Variants in PEA15 observed in about 807,000 individuals in gnomAD.
PEA15 encodes the protein proliferation and apoptosis adaptor protein 15.
For missense variants in PEA15, 77 were observed against 161.3 expected (o/e 0.48, Z 2.83); for synonymous variants, 60 against 61.8 (o/e 0.97, Z 0.13).
At position 160,213,393 on chromosome 1, in the gene PEA15, T is replaced by A. The variant is rs751216207; in HGVS notation, c.329-29T>A. ...CTGCCTGGCATCTCCCACACTGCTG[T>A]CCCTGGACACATACCTTTTTGCCCC... On this transcript the variant is annotated intron_variant, in intron 3 of 3. Transcript: ENST00000360472. This position sits in a 1 kb window ranked among gnomAD's most constrained non-coding sequence, Gnocchi z 5.3. The A allele has an allele frequency of 1.7e-5, 27 of 1,613,844 alleles. No individual in the cohort carries two copies. In the South Asian group the frequency reaches 2.9e-4, roughly 17 times the overall value.
At position 160,205,423 on chromosome 1, in the gene PEA15, G is replaced by GGCGGCGGCGGCGGCAGAA. The variant is rs1654513153; in HGVS notation, c.-88_-87insAGAAGCGGCGGCGGCGGC. The GGCGGCGGCGGCGGCAGAA allele has an allele frequency of 5.5e-6, 1 of 182,330 alleles. No homozygotes were observed. The highest frequency in any genetic ancestry group is 1.7e-4 in the East Asian group (1 of 5,862). The allele number at this position is 182,330 out of a possible 1,614,324, so 11.3% of individuals were successfully genotyped here. On this transcript the variant is annotated 5_prime_UTR_variant, in exon 1 of 4. Transcript: ENST00000360472. This position sits in a 1 kb window ranked among gnomAD's most constrained non-coding sequence, Gnocchi z 5.9. Reference sequence around the variant, plus strand: ...AAGAGGCGGCGGCGGCGGCAGAAGCGGCGGCGGCGGCGGCGGGAGCCGAGG... The same window carrying GGCGGCGGCGGCGGCAGAA: ...AAGAGGCGGCGGCGGCGGCAGAAGCGGCGGCGGCGGCGGCAGAAGCGGCGGCGGCGGCGGGAGCCGAGG...
Position 160,208,559 on chromosome 1 carries a change from C to T in PEA15, c.-2-2984C>T, listed in dbSNP as rs1419001090. 6.6e-7 allele frequency: 1 copy of T among 1,511,022 alleles called. No homozygotes were observed. Among genetic ancestry groups the T allele is most frequent in the East Asian group, 2.5e-5 (1 of 40,722 alleles). 93.6% of individuals were successfully genotyped at this position (1,511,022 alleles called of 1,614,324 possible). Reference sequence around the variant, plus strand: ...TTTTCAGAGCCCAGAGAGCAGATTTCTCCACGAGCCCTAAGGAAATCTGAA... The same window carrying T: ...TTTTCAGAGCCCAGAGAGCAGATTTTTCCACGAGCCCTAAGGAAATCTGAA... On this transcript the variant is annotated intron_variant, in intron 1 of 3. Transcript: ENST00000360472. The surrounding 1 kb of genome is among the most constrained non-coding windows in gnomAD (Gnocchi z 4.1).
At chr1:160,210,887 C>G (rs754844465) in intron 1 of PEA15, among the ~76,000 whole-genome samples, 9 of 152,158 alleles carry the variant, frequency 5.9e-5, no homozygotes, top group Non-Finnish European at 7.3e-5. Context: ...ATTGCTTCCC[C>G]CACCTCGAAC....
Position 160,213,628 on chromosome 1 carries a change from G to A in PEA15, c.*142G>A, listed in dbSNP as rs1654971277. On this transcript the variant is annotated 3_prime_UTR_variant, in exon 4 of 4. Coordinates refer to ENST00000360472, the MANE Select transcript of PEA15 (RefSeq NM_003768.5). The surrounding 1 kb of genome is among the most constrained non-coding windows in gnomAD (Gnocchi z 5.3). ...ACCCCCTTACTGTGCGCGTGTGTGT[G>A]CGTGTGCGCACGCTCTGGCTGTTTG... The A allele has an allele frequency of 1.5e-6, 1 of 669,312 alleles. No homozygotes were observed. The highest frequency in any genetic ancestry group is 2.5e-5 in the Admixed American group (1 of 39,218). The allele number at this position is 669,312 out of a possible 1,614,324, so 41.5% of individuals were successfully genotyped here. A position where few individuals can be genotyped will look rare whatever the true frequency, so the allele number is the denominator to read the frequency against.
Position 160,213,350 on chromosome 1 carries a change from G to A in PEA15, c.329-72G>A. The A allele has an allele frequency of 1.9e-6, 3 of 1,611,074 alleles. No individual in the cohort carries two copies. Among genetic ancestry groups the A allele is most frequent in the Admixed American group, 1.7e-5 (1 of 60,020 alleles). ...AGTACTTGAGTTTTGGGAGAGTGGA[G>A]GCAGATGCCCAATGGGCCTGCCTGG... is the stretch of plus-strand genomic sequence containing the variant. On this transcript the variant is annotated intron_variant, in intron 3 of 3. Transcript: ENST00000360472. The surrounding 1 kb of genome is among the most constrained non-coding windows in gnomAD (Gnocchi z 5.3).
At position 160,213,815 on chromosome 1, in the gene PEA15, A is replaced by G. The variant is rs975451286; in HGVS notation, c.*329A>G. ...CTTCCCTTTCCTCCACTCCCCCCAT[A>G]TCTTTAAAGTGTGGAAGCAGAAAGG... On this transcript the variant is annotated 3_prime_UTR_variant, in exon 4 of 4. Transcript: ENST00000360472. The surrounding 1 kb of genome is among the most constrained non-coding windows in gnomAD (Gnocchi z 5.3). 3.3e-6 allele frequency: 1 copy of G among 303,862 alleles called. No homozygotes were observed. Among genetic ancestry groups the G allele is most frequent in the African/African-American group, 2.1e-5 (1 of 46,856 alleles). 18.8% of individuals were successfully genotyped at this position (303,862 alleles called of 1,614,324 possible).
rs1307094403 is a variant in PEA15 at position 160,208,597 on chromosome 1, A to G, written c.-2-2946A>G. ...AAGGAAATCTGAATCTCTGGTGAGG[A>G]AAGTGACATGGAGGATGAAGGAAAC... On this transcript the variant is annotated intron_variant, in intron 1 of 3. Transcript: ENST00000360472. The surrounding 1 kb of genome is among the most constrained non-coding windows in gnomAD (Gnocchi z 4.1). 5 of 1,550,210 alleles carry G rather than the reference A, an allele frequency of 3.2e-6. No individual in the cohort carries two copies. Among genetic ancestry groups the G allele is most frequent in the Non-Finnish European group, 4.4e-6 (5 of 1,146,764 alleles).
rs1654709521 is a variant in PEA15, at chr1:160,208,621, A to T, written c.-2-2922A>T. The T allele has an allele frequency of 6.4e-7, 1 of 1,550,440 alleles. No individual in the cohort carries two copies. The highest frequency in any genetic ancestry group is 2.0e-5 in the Admixed American group (1 of 50,984). On this transcript the variant is annotated intron_variant, in intron 1 of 3. Coordinates refer to ENST00000360472, the MANE Select transcript of PEA15 (RefSeq NM_003768.5). The surrounding 1 kb of genome is among the most constrained non-coding windows in gnomAD (Gnocchi z 4.1). ...GAAAGTGACATGGAGGATGAAGGAA[A>T]CAAGCTCTGCCAAGCCCCACCATGG...
chr1:160,208,329 A>C lies in PEA15; in HGVS notation c.-3+2807A>C. On this transcript the variant is annotated intron_variant, in intron 1 of 3. Transcript: ENST00000360472. This position sits in a 1 kb window ranked among gnomAD's most constrained non-coding sequence, Gnocchi z 4.1. ...GGGCTGTGCCTGGGGCCAGCTTGGA[A>C]GGAGAGGGAGGCAGGAAGGAAGGAA... is the stretch of plus-strand genomic sequence containing the variant. 1 of 460,906 alleles carries C rather than the reference A, an allele frequency of 2.2e-6. No homozygotes were observed. The highest frequency in any genetic ancestry group is 3.9e-5 in the East Asian group (1 of 25,834). The allele number at this position is 460,906 out of a possible 1,614,324, so 28.6% of individuals were successfully genotyped here. A position where few individuals can be genotyped will look rare whatever the true frequency, so the allele number is the denominator to read the frequency against.
Position 160,211,716 on chromosome 1 carries a change from G to T in PEA15, c.172G>T (p.Asp58Tyr). The change falls in exon 2 of 4, where the codon GAC (aspartate) becomes TAC (tyrosine). Residue 58 changes from aspartate (D) to tyrosine (Y), a missense_variant and splice_region_variant. Coordinates refer to ENST00000360472, the MANE Select transcript of PEA15 (RefSeq NM_003768.5). Reference sequence around the variant, plus strand: ...GGAGAGCCACAACAAGCTGGACAAAGGTGGGGGAGGGGAGCACAGGGGTCC... The same window carrying T: ...GGAGAGCCACAACAAGCTGGACAAATGTGGGGGAGGGGAGCACAGGGGTCC... ...FLESHNKLDK[D>Y]NLSYIEHIFE... is the part of the protein sequence containing the mutation. 1 of 1,612,602 alleles carries T rather than the reference G, an allele frequency of 6.2e-7. No individual in the cohort carries two copies. The highest frequency in any genetic ancestry group is 8.5e-7 in the Non-Finnish European group (1 of 1,178,996).
chr1:160,212,526 G>C (rs749378703), intron 2 of PEA15, among the ~76,000 whole-genome samples: 1 of 152,120 alleles, frequency 6.6e-6, no homozygotes. Flanking sequence ...GTTACAGTTA[G>C]ACTGTATGGC....
intron 1 of PEA15, among the ~76,000 whole-genome samples, chr1:160,210,805 GGA>G: frequency 6.6e-6 from 1 of 152,326 alleles, no homozygotes; most frequent in African/African-American, 2.4e-5. Flanking sequence ...ACAAAGGGTA[GGA>G]GAGAGAGCTG....
chr1:160,208,880 T>A lies in PEA15; in HGVS notation c.-2-2663T>A. The A allele has an allele frequency of 6.3e-5, 33 of 524,840 alleles. No homozygotes were observed. Among genetic ancestry groups the A allele is most frequent in the Middle Eastern group, 5.3e-4 (1 of 1,874 alleles). The allele number at this position is 524,840 out of a possible 1,614,324, so 32.5% of individuals were successfully genotyped here. ...CTCCTCCCATCTAGTGGTGTCATCCTAACGACTGGGGGTGGGGGGCACCCA... is the reference window on the plus strand; with the variant it reads ...CTCCTCCCATCTAGTGGTGTCATCCAAACGACTGGGGGTGGGGGGCACCCA... On this transcript the variant is annotated intron_variant, in intron 1 of 3. Coordinates refer to ENST00000360472, the MANE Select transcript of PEA15 (RefSeq NM_003768.5). The surrounding 1 kb of genome is among the most constrained non-coding windows in gnomAD (Gnocchi z 4.1).
chr1:160,213,258 G>A lies in PEA15; in HGVS notation c.321G>A (p.Lys107=), dbSNP rs750006490. The A allele has an allele frequency of 3.7e-6, 6 of 1,614,100 alleles. No individual in the cohort carries two copies. Among genetic ancestry groups the A allele is most frequent in the Non-Finnish European group, 5.1e-6 (6 of 1,180,036 alleles). The part of the protein sequence containing the change: ...TKLTRIPSAK[K]YKDIIRQPSE... ...TAACCCGTATCCCCAGTGCCAAGAA[G>A]TACAAAGGTAAGCGGCCACTCCTTT... is the stretch of plus-strand genomic sequence containing the variant. The change falls in exon 3 of 4, where the codon AAG becomes AAA. Residue 107 remains lysine (K), a synonymous_variant. Transcript: ENST00000360472. The surrounding 1 kb of genome is among the most constrained non-coding windows in gnomAD (Gnocchi z 5.3).
chr1:160,212,174 A>T (rs1454269917), intron 2 of PEA15, among the ~76,000 whole-genome samples: 1 of 152,098 alleles, frequency 6.6e-6, no homozygotes, highest in Non-Finnish European at 1.5e-5. Context: ...GGGGAGTGGG[A>T]TCTATGGATT....
chr1:160,212,278 GAGGGCATGCC>G (rs1248585523), intron 2 of PEA15, among the ~76,000 whole-genome samples: 1 of 152,090 alleles, frequency 6.6e-6, no homozygotes, highest in Non-Finnish European at 1.5e-5. Context: ...AGATCCAAAG[GAGGGCATGCC>G]AGGCAGAGGA....
At chr1:160,211,080 TTCTC>T (rs1654856417) in intron 1 of PEA15, among the ~76,000 whole-genome samples, 1 of 152,164 alleles carries the variant, frequency 6.6e-6, no homozygotes, top group Non-Finnish European at 1.5e-5. Context: ...CTCCAGCTCT[TTCTC>T]AGCTTCTCAC....
chr1:160,213,003 T>C lies in PEA15; in HGVS notation c.173-107T>C, dbSNP rs770029814. The C allele has an allele frequency of 1.0e-4, 113 of 1,117,774 alleles. No homozygotes were observed. The highest frequency in any genetic ancestry group is 1.5e-4 in the Non-Finnish European group (111 of 742,876). The allele number at this position is 1,117,774 out of a possible 1,614,324, so 69.2% of individuals were successfully genotyped here. A position where few individuals can be genotyped will look rare whatever the true frequency, so the allele number is the denominator to read the frequency against. Reference sequence around the variant, plus strand: ...CTTCCTCCAGTGTTGTACCCTCCCATAACCAATGTCAGCAACTCAGCTTTG... The same window carrying C: ...CTTCCTCCAGTGTTGTACCCTCCCACAACCAATGTCAGCAACTCAGCTTTG... On this transcript the variant is annotated intron_variant, in intron 2 of 3. Transcript: ENST00000360472. The surrounding 1 kb of genome is among the most constrained non-coding windows in gnomAD (Gnocchi z 5.3).
chr1:160,207,051 G>GATA (rs1654630513), intron 1 of PEA15: 1 of 152,452 alleles, frequency 6.6e-6, no homozygotes, highest in Non-Finnish European at 1.5e-5. Context: ...ATGTCATGAT[G>GATA]GATATCTTCA....
Sources: gnomAD v4.1 joint callset for allele counts (sites outside exome capture counted in the v4.1 genomes callset) on GRCh38, gnomAD v4.1.1 for gene constraint, Gnocchi (gnomAD v3.1) non-coding constraint, MANE v1.5 for transcripts, NCBI Gene and HGNC (gene_info 2026-07-23, HGNC 2026-07-21) for gene names.